Variants in CSMD1 observed in about 807,000 individuals in gnomAD.
The protein encoded by CSMD1 is CUB and Sushi multiple domains 1.
Under a neutral mutation model 417.5 loss-of-function variants are expected in CSMD1, and 213 were observed. The observed-to-expected ratio is 0.51, with a 90% CI of 0.46 to 0.57. CSMD1 has a LOEUF of 0.57. Ranked by LOEUF, CSMD1 falls within the 20% of genes least tolerant of loss-of-function variation. The pLI is 0.00. For synonymous variants in CSMD1, 2,862 were observed against 1,736.8 expected (o/e 1.65, Z -16.11); for missense variants, 6,923 against 4,529.7 (o/e 1.53, Z -15.17).
intron 3 of CSMD1, among the ~76,000 whole-genome samples, chr8:4,196,174 G>A (rs1057446430): frequency 1.2e-4 from 18 of 152,110 alleles, no homozygotes; most frequent in African/African-American, 3.4e-4. Flanking sequence ...TCGCGCCACT[G>A]CACTCCAGCC....
At chr8:4,825,852 G>A (rs1197555616) in intron 1 of CSMD1, among the ~76,000 whole-genome samples, 4 of 151,498 alleles carry the variant, frequency 2.6e-5, no homozygotes, top group Non-Finnish European at 4.4e-5. Flanking sequence ...ACACTTCTCT[G>A]AAGAGATACA....
chr8:3,975,508 C>A (rs1005736491), intron 5 of CSMD1, among the ~76,000 whole-genome samples: 1 of 152,166 alleles, frequency 6.6e-6, no homozygotes, highest in African/African-American at 2.4e-5. Context: ...AGCACAGAAA[C>A]TTCATCCACA....
At chr8:3,060,614 T>G (rs956661666) in intron 49 of CSMD1, among the ~76,000 whole-genome samples, 3 of 152,236 alleles carry the variant, frequency 2.0e-5, no homozygotes, top group Non-Finnish European at 4.4e-5. Flanking sequence ...TTCAGAGACT[T>G]AAATTCATGT....
chr8:3,096,931 T>G lies in CSMD1; in HGVS notation c.7056A>C (p.Lys2352Asn). Residue 2352 changes from lysine to asparagine, a missense_variant, in exon 47 of 70, where the codon AAA becomes AAC. Transcript: ENST00000635120. ...FNSQTCSWSI[K>N]VEPNYNITIF... Reference sequence around the variant, plus strand: ...TGGTAATGTTGTAGTTTGGTTCCACTTTAATACTCCAAGAGCAAGTCTGGG... The same window carrying G: ...TGGTAATGTTGTAGTTTGGTTCCACGTTAATACTCCAAGAGCAAGTCTGGG... 6.4e-7 allele frequency: 1 copy of G among 1,556,562 alleles called. No individual in the cohort carries two copies. The highest frequency in any genetic ancestry group is 8.7e-7 in the Non-Finnish European group (1 of 1,148,900).
intron 1 of CSMD1, among the ~76,000 whole-genome samples, chr8:4,882,414 G>A (rs1319686702): frequency 1.3e-5 from 2 of 151,558 alleles, no homozygotes; most frequent in African/African-American, 4.9e-5. Flanking sequence ...GGCATTGTGT[G>A]GCTTTAGCTT....
chr8:3,886,817 G>C (rs1344211011), intron 5 of CSMD1, among the ~76,000 whole-genome samples: 3 of 152,294 alleles, frequency 2.0e-5, no homozygotes, highest in Non-Finnish European at 4.4e-5. Flanking sequence ...GGGTAGAATA[G>C]AGATTTGAAC....
intron 2 of CSMD1, among the ~76,000 whole-genome samples, chr8:4,616,143 A>T (rs1801462188): frequency 6.6e-6 from 1 of 152,220 alleles, no homozygotes; most frequent in Non-Finnish European, 1.5e-5. Context: ...TTGTTGTGAT[A>T]AAAATAAATG....
At chr8:4,664,196 T>G (rs1434585315) in intron 1 of CSMD1, among the ~76,000 whole-genome samples, 2 of 152,170 alleles carry the variant, frequency 1.3e-5, no homozygotes, top group South Asian at 4.1e-4. Context: ...CAGGGAGTAG[T>G]TTTCATCTTT....
chr8:3,208,299 G>A (rs1404638399), intron 30 of CSMD1, among the ~76,000 whole-genome samples: 2 of 152,028 alleles, frequency 1.3e-5, no homozygotes, highest in African/African-American at 2.4e-5. Context: ...TCTTCTGATC[G>A]CTCTGTCACC....
intron 3 of CSMD1, among the ~76,000 whole-genome samples, chr8:4,153,427 G>A (rs772728235): frequency 6.6e-6 from 1 of 152,154 alleles, no homozygotes; most frequent in African/African-American, 2.4e-5. Flanking sequence ...GCTGTTGCCT[G>A]TGCCCCGCAC....
At chr8:3,524,603 A>G (rs1797677076) in intron 10 of CSMD1, among the ~76,000 whole-genome samples, 1 of 151,722 alleles carries the variant, frequency 6.6e-6, no homozygotes. Flanking sequence ...ACACACATCC[A>G]CACACATGCA....
chr8:3,563,086 T>C (rs1799540006), intron 10 of CSMD1, among the ~76,000 whole-genome samples: 1 of 152,146 alleles, frequency 6.6e-6, no homozygotes, highest in South Asian at 2.1e-4. Flanking sequence ...TTATACAGGG[T>C]TGTAATTTTT....
At chr8:4,152,987 G>A (rs1302892092) in intron 3 of CSMD1, among the ~76,000 whole-genome samples, 2 of 152,096 alleles carry the variant, frequency 1.3e-5, no homozygotes, top group East Asian at 3.8e-4. Context: ...CTATGACAAG[G>A]TGAACAAATC....
intron 25 of CSMD1, among the ~76,000 whole-genome samples, chr8:3,299,958 T>C (rs921264373): frequency 7.9e-5 from 12 of 152,136 alleles, no homozygotes; most frequent in African/African-American, 1.9e-4. Flanking sequence ...TGTGCAAACA[T>C]AGCAAATGCA....
intron 50 of CSMD1, among the ~76,000 whole-genome samples, chr8:3,032,728 C>A (rs74894893): frequency 6.6e-6 from 1 of 151,964 alleles, no homozygotes; most frequent in South Asian, 2.1e-4. Context: ...TACACTCAAC[C>A]CCCCCAACTC....
At chr8:4,271,226 A>G (rs760238275) in intron 3 of CSMD1, among the ~76,000 whole-genome samples, 6 of 152,172 alleles carry the variant, frequency 3.9e-5, no homozygotes, top group African/African-American at 7.2e-5. Flanking sequence ...AATGCGATAT[A>G]CACGAATCAG....
Position 4,054,121 on chromosome 8 carries a change from A to T in CSMD1, c.416-22022T>A, listed in dbSNP as rs115857275. Among the ~76,000 whole-genome samples the T allele has an allele frequency of 9.2e-3, 1,402 of 152,246 alleles. 22 individuals are homozygous for T. Among genetic ancestry groups the T allele is most frequent in the African/African-American group, 0.033 (1,367 of 41,542 alleles). On this transcript the variant is annotated intron_variant, in intron 3 of 69. Coordinates refer to ENST00000635120, the MANE Select transcript of CSMD1 (RefSeq NM_033225.6). ...AGCTGCTAATGGTCTCTAAGCAGCCATTCTCCACTTTTTTCTATGTAAGTA... is the reference window on the plus strand; with the variant it reads ...AGCTGCTAATGGTCTCTAAGCAGCCTTTCTCCACTTTTTTCTATGTAAGTA...
intron 52 of CSMD1, among the ~76,000 whole-genome samples, chr8:3,006,902 C>T (rs1183688638): frequency 7.1e-6 from 1 of 141,020 alleles, no homozygotes; most frequent in African/African-American, 3.1e-5. Context: ...GCAATGGCAA[C>T]AAAAGACAAA....
intron 3 of CSMD1, among the ~76,000 whole-genome samples, chr8:4,185,856 C>G (rs972500912): frequency 6.6e-6 from 1 of 152,108 alleles, no homozygotes; most frequent in African/African-American, 2.4e-5. Flanking sequence ...ACAGAGCAAC[C>G]GTTCTTGTAG....
Sources: gnomAD v4.1 joint callset for allele counts (sites outside exome capture counted in the v4.1 genomes callset) on GRCh38, gnomAD v4.1.1 for gene constraint, MANE v1.5 for transcripts, NCBI Gene and HGNC (gene_info 2026-07-23, HGNC 2026-07-21) for gene names.